The following SKIC3 variants were observed in gnomAD, a reference collection of about 807,000 sequenced individuals.
SKIC3 encodes the protein SKI3 subunit of superkiller complex.
At chr5:95,522,036 C>G in the SKIC3 span, 11 of 1,612,838 alleles carry the variant, frequency 6.8e-6, no homozygotes, top group Non-Finnish European at 9.3e-6. Context: ...GTCAAAGGAG[C>G]TACTAAAAAT....
At chr5:95,475,446 C>T in the SKIC3 span, among the ~76,000 whole-genome samples, 1 of 152,084 alleles carries the variant, frequency 6.6e-6, no homozygotes, top group Non-Finnish European at 1.5e-5. Flanking sequence ...CTCTCTTGCT[C>T]CTGCTCTGAC....
the SKIC3 span, among the ~76,000 whole-genome samples, chr5:95,511,549 A>G: frequency 6.6e-6 from 1 of 152,226 alleles, no homozygotes; most frequent in Non-Finnish European, 1.5e-5. Flanking sequence ...GGCTAAATGC[A>G]TGCAGAGTGC....
the SKIC3 span, among the ~76,000 whole-genome samples, chr5:95,488,386 A>G: frequency 0.011 from 1,623 of 152,318 alleles, 26 homozygotes; most frequent in African/African-American, 0.036. Flanking sequence ...CACACTATAG[A>G]TAACCCATCA....
At chr5:95,506,851 T>TG in the SKIC3 span, 1 of 1,325,936 alleles carries the variant, frequency 7.5e-7, no homozygotes, top group Non-Finnish European at 1.1e-6. Context: ...TTCTAGGAAC[T>TG]AGTCAGCATA....
chr5:95,491,142 C>T, the SKIC3 span: 1 of 1,473,264 alleles, frequency 6.8e-7, no homozygotes, highest in Middle Eastern at 1.8e-4. Flanking sequence ...AAAATTGTAT[C>T]TAAAAAAAAA....
At chr5:95,490,315 T>C in the SKIC3 span, among the ~76,000 whole-genome samples, 1,210 of 151,610 alleles carry the variant, frequency 8.0e-3, 17 homozygotes, top group African/African-American at 0.027. Flanking sequence ...ACAGAACCCA[T>C]TGGGCTTTTA....
the SKIC3 span, among the ~76,000 whole-genome samples, chr5:95,504,903 G>A: frequency 6.6e-6 from 1 of 152,056 alleles, no homozygotes; most frequent in Non-Finnish European, 1.5e-5. Flanking sequence ...TACTGGAGAG[G>A]CTGAGGCAGG....
At chr5:95,504,029 C>T in the SKIC3 span, 12 of 1,394,408 alleles carry the variant, frequency 8.6e-6, no homozygotes, top group Non-Finnish European at 1.2e-5. Context: ...CTAAGTTGGG[C>T]CGGACGCGGT....
the SKIC3 span, among the ~76,000 whole-genome samples, chr5:95,528,449 T>C: frequency 6.6e-6 from 1 of 152,150 alleles, no homozygotes. Flanking sequence ...CAATAAAGGT[T>C]AGCCCACAAC....
the SKIC3 span, among the ~76,000 whole-genome samples, chr5:95,477,536 C>T: frequency 6.6e-5 from 10 of 152,026 alleles, no homozygotes; most frequent in Admixed American, 2.6e-4. Context: ...TAATAAGGAA[C>T]GACAAAAAAA....
chr5:95,506,910 T>A, the SKIC3 span: 3 of 1,610,996 alleles, frequency 1.9e-6, no homozygotes, highest in Non-Finnish European at 2.5e-6. Context: ...ATTGACAGAA[T>A]TAATGGAGAA....
the SKIC3 span, chr5:95,494,774 G>A: frequency 1.6e-4 from 253 of 1,613,520 alleles, 5 homozygotes; most frequent in South Asian, 2.2e-3. Context: ...CTGATTTACC[G>A]CAGTGTACAG....
At chr5:95,503,324 C>A in the SKIC3 span, among the ~76,000 whole-genome samples, 1 of 152,118 alleles carries the variant, frequency 6.6e-6, no homozygotes, top group Non-Finnish European at 1.5e-5. Context: ...TGAGATATCA[C>A]CAAAACTCCC....
At chr5:95,496,967 G>T in the SKIC3 span, among the ~76,000 whole-genome samples, 1 of 152,154 alleles carries the variant, frequency 6.6e-6, no homozygotes, top group Non-Finnish European at 1.5e-5. Context: ...TTCATAGAGT[G>T]TCAGTGACTT....
At chr5:95,470,430 G>A in the SKIC3 span, among the ~76,000 whole-genome samples, 1 of 152,106 alleles carries the variant, frequency 6.6e-6, no homozygotes, top group African/African-American at 2.4e-5. Context: ...TTTCAAAGAG[G>A]AGATATTTAA....
the SKIC3 span, chr5:95,542,018 G>A: frequency 1.4e-6 from 1 of 734,396 alleles, no homozygotes; most frequent in Middle Eastern, 3.6e-4. Context: ...TCTGAAAAAG[G>A]ATTATTATAA....
the SKIC3 span, among the ~76,000 whole-genome samples, chr5:95,552,699 G>C: frequency 6.6e-6 from 1 of 152,070 alleles, no homozygotes; most frequent in Non-Finnish European, 1.5e-5. Context: ...TGGCGGGAGG[G>C]AAGTAGGCAG....
the SKIC3 span, chr5:95,536,928 T>C: frequency 6.2e-7 from 1 of 1,613,278 alleles, no homozygotes; most frequent in Non-Finnish European, 8.5e-7. Context: ...TGAGGAAACT[T>C]GAAAATATAA....
the SKIC3 span, among the ~76,000 whole-genome samples, chr5:95,539,070 A>G: frequency 6.6e-6 from 1 of 152,240 alleles, no homozygotes; most frequent in Admixed American, 6.5e-5. Context: ...CTACAGGCCA[A>G]TAATTCTGAC....
Sources: allele counts gnomAD v4.1 joint callset (sites outside exome capture counted in the v4.1 genomes callset), GRCh38; gene constraint gnomAD v4.1.1; transcripts MANE v1.5; gene names NCBI Gene and HGNC (gene_info 2026-07-23, HGNC 2026-07-21).